GPC6: variants seen among roughly 807,000 people sequenced by gnomAD.
The protein encoded by GPC6 is glypican 6.
A neutral mutation model predicts 55.2 loss-of-function variants in GPC6; 14 were observed. The ratio of observed to expected loss-of-function variants is 0.25; its 90% CI spans 0.17 to 0.40. The LOEUF (loss-of-function observed/expected upper bound fraction) is 0.40. Ranked by LOEUF, GPC6 falls within the 10% of genes least tolerant of loss-of-function variation. The pLI is 1.00. For synonymous variants in GPC6, 278 were observed against 259.6 expected (o/e 1.07, Z -0.68); for missense variants, 641 against 708.5 (o/e 0.90, Z 1.08).
intron 4 of GPC6, among the ~76,000 whole-genome samples, chr13:94,194,669 T>C (rs1271511778): frequency 2.0e-5 from 3 of 152,156 alleles, no homozygotes; most frequent in African/African-American, 4.8e-5. Flanking sequence ...GCTGGGGTGA[T>C]GTGTGCATCA....
intron 3 of GPC6, among the ~76,000 whole-genome samples, chr13:94,000,999 G>A (rs1039595612): frequency 1.3e-5 from 2 of 152,080 alleles, no homozygotes; most frequent in African/African-American, 4.8e-5. Flanking sequence ...CACTATTTCT[G>A]GGAAAACATG....
At chr13:93,375,555 T>A (rs569778312) in intron 1 of GPC6, among the ~76,000 whole-genome samples, 1 of 152,278 alleles carries the variant, frequency 6.6e-6, no homozygotes, top group East Asian at 1.9e-4. Flanking sequence ...TCCAGTGTAC[T>A]CCTGCCACCG....
chr13:94,138,841 A>G (rs891043118), intron 4 of GPC6, among the ~76,000 whole-genome samples: 12 of 152,092 alleles, frequency 7.9e-5, no homozygotes, highest in African/African-American at 2.7e-4. Flanking sequence ...GGTACCCAAT[A>G]ATGTCTGTCA....
intron 1 of GPC6, among the ~76,000 whole-genome samples, chr13:93,535,210 A>G (rs1882008105): frequency 6.6e-6 from 1 of 152,184 alleles, no homozygotes; most frequent in African/African-American, 2.4e-5. Context: ...AATTTGAGAA[A>G]GGAATATGAG....
intron 1 of GPC6, among the ~76,000 whole-genome samples, chr13:93,435,695 T>A (rs2762089): frequency 0.31 from 47,594 of 151,928 alleles, 7,584 homozygotes; most frequent in East Asian, 0.36. Context: ...TCCATGAGAG[T>A]CTTCTTAGTT....
chr13:94,096,433 G>T (rs1885661264), intron 4 of GPC6, among the ~76,000 whole-genome samples: 1 of 151,960 alleles, frequency 6.6e-6, no homozygotes, highest in South Asian at 2.1e-4. Context: ...CCTTAGCCGG[G>T]CTCCTGTGTA....
chr13:93,872,198 T>C (rs1365537830), intron 3 of GPC6, among the ~76,000 whole-genome samples: 1 of 151,960 alleles, frequency 6.6e-6, no homozygotes, highest in African/African-American at 2.4e-5. Flanking sequence ...TTTTGAGGTA[T>C]GTGATAACAG....
At chr13:94,243,455 C>A (rs139307524) in intron 4 of GPC6, among the ~76,000 whole-genome samples, 2,039 of 152,106 alleles carry the variant, frequency 0.013, 39 homozygotes, top group African/African-American at 0.04. Context: ...GGTGTTTGAA[C>A]AGAACTTGAG....
chr13:93,485,603 T>C (rs1214884838), intron 1 of GPC6, among the ~76,000 whole-genome samples: 1 of 152,200 alleles, frequency 6.6e-6, no homozygotes, highest in East Asian at 1.9e-4. Flanking sequence ...ACCTTGGACA[T>C]GTTCCAAATT....
At chr13:93,862,407 T>A (rs991747355) in intron 3 of GPC6, among the ~76,000 whole-genome samples, 3 of 150,718 alleles carry the variant, frequency 2.0e-5, no homozygotes, top group Admixed American at 1.3e-4. Flanking sequence ...TTTAGGGGGG[T>A]TACATCGGGG....
chr13:93,869,793 C>A (rs1458240608), intron 3 of GPC6, among the ~76,000 whole-genome samples: 2 of 151,802 alleles, frequency 1.3e-5, no homozygotes, highest in Non-Finnish European at 2.9e-5. Flanking sequence ...TAAATATGTT[C>A]TTTCCAGTGA....
intron 2 of GPC6, among the ~76,000 whole-genome samples, chr13:93,622,088 A>G (rs150789427): frequency 2.6e-5 from 4 of 152,216 alleles, no homozygotes; most frequent in Admixed American, 2.0e-4. Context: ...TAGTTCCCAT[A>G]TATGAGTGAG....
intron 4 of GPC6, among the ~76,000 whole-genome samples, chr13:94,170,015 G>T (rs921903529): frequency 6.6e-6 from 1 of 152,112 alleles, no homozygotes; most frequent in Non-Finnish European, 1.5e-5. Context: ...TTATTTTGTG[G>T]CACAGAGTTG....
chr13:93,539,879 C>A (rs1882218865), intron 1 of GPC6, among the ~76,000 whole-genome samples: 1 of 151,936 alleles, frequency 6.6e-6, no homozygotes, highest in African/African-American at 2.4e-5. Flanking sequence ...TTAGTGGAGA[C>A]AGAGTTTCTC....
chr13:93,304,464 A>G (rs1441100495), intron 1 of GPC6, among the ~76,000 whole-genome samples: 1 of 152,160 alleles, frequency 6.6e-6, no homozygotes, highest in Non-Finnish European at 1.5e-5. Flanking sequence ...AATCTTCCAC[A>G]TTTACCTCTG....
At chr13:93,233,721 A>C (rs766631703) in intron 1 of GPC6, among the ~76,000 whole-genome samples, 24 of 152,178 alleles carry the variant, frequency 1.6e-4, no homozygotes, top group Admixed American at 1.2e-3. Flanking sequence ...GAAGGGGCAC[A>C]AATTTCCTGT....
chr13:93,895,234 G>GTGTATATATATATATATA (rs1196315147), intron 3 of GPC6, among the ~76,000 whole-genome samples: 1 of 108,208 alleles, frequency 9.2e-6, no homozygotes, highest in Non-Finnish European at 1.9e-5. Flanking sequence ...GTGTGTGTGT[G>GTGTATATATATATATATA]TATATATATA....
At chr13:94,179,195 G>A (rs1272168281) in intron 4 of GPC6, among the ~76,000 whole-genome samples, 1 of 152,210 alleles carries the variant, frequency 6.6e-6, no homozygotes, top group East Asian at 1.9e-4. Flanking sequence ...GAAGTGAGAA[G>A]TAGGTTTTAA....
chr13:93,775,807 G>A (rs1040752638), intron 2 of GPC6, among the ~76,000 whole-genome samples: 9 of 144,622 alleles, frequency 6.2e-5, no homozygotes, highest in African/African-American at 1.7e-4. Context: ...GGCGAATGTC[G>A]TCTAAACAAA....
Sources: gnomAD v4.1 joint callset for allele counts (sites outside exome capture counted in the v4.1 genomes callset) on GRCh38, gnomAD v4.1.1 for gene constraint, MANE v1.5 for transcripts, NCBI Gene and HGNC (gene_info 2026-07-23, HGNC 2026-07-21) for gene names.